DNAJC15: variants seen among roughly 807,000 people sequenced by gnomAD.
DNAJC15 encodes the protein DnaJ heat shock protein family (Hsp40) member C15.
DNAJC15 carries 27 observed loss-of-function variants against 22.4 expected under a neutral mutation model. The ratio of observed to expected loss-of-function variants is 1.20; its 90% CI spans 0.89 to 1.66. DNAJC15 has a LOEUF of 1.66. Among genes scored for constraint, DNAJC15 ranks in the 40% most tolerant of loss-of-function variants. DNAJC15 has a pLI of 0.00. For synonymous variants in DNAJC15, 79 were observed against 63.2 expected (o/e 1.25, Z -1.19); for missense variants, 208 against 187.1 (o/e 1.11, Z -0.65).
At position 43,107,196 on chromosome 13, in the gene DNAJC15, C is replaced by G. The variant is rs2040801014; in HGVS notation, c.401C>G (p.Ala134Gly). The G allele has an allele frequency of 6.3e-7, 1 of 1,587,334 alleles. No homozygotes were observed. The highest frequency in any genetic ancestry group is 8.6e-7 in the Non-Finnish European group (1 of 1,169,124). ...CTCTCAGGTGGATCTCCTTACGTAGCAGCCAAAATAAATGAAGCAAAAGAC... is the reference window on the plus strand; with the variant it reads ...CTCTCAGGTGGATCTCCTTACGTAGGAGCCAAAATAAATGAAGCAAAAGAC... ...HPDKGGSPYV[A>G]AKINEAKDLL... The change falls in exon 6 of 6, where the codon GCA (alanine) becomes GGA (glycine). Residue 134 changes from alanine (A) to glycine (G), a missense_variant. Transcript: ENST00000379221.
chr13:43,040,388 T>C (rs947645670), intron 1 of DNAJC15, among the ~76,000 whole-genome samples: 6 of 152,230 alleles, frequency 3.9e-5, no homozygotes, highest in African/African-American at 1.4e-4. Flanking sequence ...CTTACCTGTT[T>C]ATCTGTGGGG....
chr13:43,041,381 A>G (rs991302088), intron 1 of DNAJC15, among the ~76,000 whole-genome samples: 5 of 152,216 alleles, frequency 3.3e-5, no homozygotes, highest in African/African-American at 7.2e-5. Flanking sequence ...GGTTGGGGGT[A>G]AGGTTACAGA....
rs2040392105 is a variant in DNAJC15 at position 43,028,826 on chromosome 13, C to T, written c.108+5092C>T. ...CTTCCCTGACCCCAGTTCCCTTTGC[C>T]TAGTAGGAGAAAATTGTTTTATACT... On this transcript the variant is annotated intron_variant, in intron 1 of 5. Coordinates refer to ENST00000379221, the MANE Select transcript of DNAJC15 (RefSeq NM_013238.3). Among the ~76,000 whole-genome samples the T allele has an allele frequency of 2.6e-5, 4 of 152,070 alleles. No individual in the cohort carries two copies. The South Asian group carries it at 8.3e-4, about 32-fold the overall frequency.
intron 3 of DNAJC15, among the ~76,000 whole-genome samples, chr13:43,073,715 T>C (rs1452595578): frequency 6.6e-6 from 1 of 152,192 alleles, no homozygotes; most frequent in Non-Finnish European, 1.5e-5. Context: ...TCTGGTTTGC[T>C]ATTTATCCCA....
intron 5 of DNAJC15, among the ~76,000 whole-genome samples, chr13:43,096,748 G>C (rs1330436821): frequency 6.6e-6 from 1 of 152,170 alleles, no homozygotes; most frequent in Non-Finnish European, 1.5e-5. Context: ...TTTGTATTCA[G>C]GTTGGCCTTT....
chr13:43,106,100 G>T (rs2040795683), intron 5 of DNAJC15, among the ~76,000 whole-genome samples: 3 of 152,052 alleles, frequency 2.0e-5, no homozygotes, highest in Non-Finnish European at 2.9e-5. Flanking sequence ...TCATAAGCTG[G>T]GTGGTATGGT....
At chr13:43,060,021 C>G (rs2040551007) in intron 1 of DNAJC15, among the ~76,000 whole-genome samples, 1 of 152,186 alleles carries the variant, frequency 6.6e-6, no homozygotes, top group African/African-American at 2.4e-5. Flanking sequence ...TGAGGATCTT[C>G]AGTTGCTTCG....
chr13:43,051,369 G>T (rs890998803), intron 1 of DNAJC15, among the ~76,000 whole-genome samples: 2 of 151,996 alleles, frequency 1.3e-5, no homozygotes, highest in African/African-American at 4.8e-5. Flanking sequence ...AGATTTTAGT[G>T]TACTCATCAC....
At chr13:43,081,628 C>T (rs1488217179) in intron 4 of DNAJC15, among the ~76,000 whole-genome samples, 2 of 151,744 alleles carry the variant, frequency 1.3e-5, no homozygotes, top group African/African-American at 2.4e-5. Flanking sequence ...TTAGTAGAGA[C>T]GGGGTTTCAC....
chr13:43,102,046 C>A (rs1488723843), intron 5 of DNAJC15, among the ~76,000 whole-genome samples: 1 of 152,166 alleles, frequency 6.6e-6, no homozygotes, highest in African/African-American at 2.4e-5. Flanking sequence ...CTCACACCAG[C>A]AGTGTATCAG....
At chr13:43,070,147 G>C (rs17064130) in intron 3 of DNAJC15, among the ~76,000 whole-genome samples, 2,601 of 152,202 alleles carry the variant, frequency 0.017, 91 homozygotes, top group East Asian at 0.11. Context: ...TTACAGGCTT[G>C]TGAGGCTTAG....
At chr13:43,070,517 CAAA>C (rs1239844723) in intron 3 of DNAJC15, among the ~76,000 whole-genome samples, 35 of 151,326 alleles carry the variant, frequency 2.3e-4, no homozygotes, top group African/African-American at 8.0e-4. Flanking sequence ...TTGAGAAAAC[CAAA>C]TCAGGGTAAG....
intron 3 of DNAJC15, among the ~76,000 whole-genome samples, chr13:43,070,730 A>G (rs2040604664): frequency 6.6e-6 from 1 of 152,210 alleles, no homozygotes; most frequent in Admixed American, 6.5e-5. Flanking sequence ...GAATAGTGGT[A>G]GCTTGGGCCC....
chr13:43,037,039 C>T (rs549284809), intron 1 of DNAJC15, among the ~76,000 whole-genome samples: 1 of 152,266 alleles, frequency 6.6e-6, no homozygotes, highest in Admixed American at 6.5e-5. Context: ...CCCTGCCAAG[C>T]TGATAGGTGG....
intron 3 of DNAJC15, among the ~76,000 whole-genome samples, chr13:43,070,457 A>G (rs1030882598): frequency 6.6e-6 from 1 of 151,858 alleles, no homozygotes; most frequent in Non-Finnish European, 1.5e-5. Flanking sequence ...CACAGTGTAA[A>G]AAAAAAAAAA....
At chr13:43,091,703 T>C (rs1344528040) in intron 5 of DNAJC15, among the ~76,000 whole-genome samples, 1 of 151,936 alleles carries the variant, frequency 6.6e-6, no homozygotes, top group African/African-American at 2.4e-5. Flanking sequence ...CTTTTTCTAA[T>C]TTTTTGAAAT....
intron 1 of DNAJC15, among the ~76,000 whole-genome samples, chr13:43,035,237 G>T (rs2040424007): frequency 6.6e-6 from 1 of 152,140 alleles, no homozygotes; most frequent in East Asian, 1.9e-4. Context: ...GGGTGCTAGG[G>T]ATTGTGAAAG....
chr13:43,096,906 G>A lies in DNAJC15; in HGVS notation c.383-10272G>A, dbSNP rs188335271. 3.9e-5 allele frequency among the ~76,000 whole-genome samples: 6 copies of A among 152,338 alleles called. No homozygotes were observed. The East Asian group carries it at 9.7e-4, about 25-fold the overall frequency. On this transcript the variant is annotated intron_variant, in intron 5 of 5. Coordinates refer to ENST00000379221, the MANE Select transcript of DNAJC15 (RefSeq NM_013238.3). ...AGACTAAGCTCTCCTCCTGACGGAA[G>A]AAACACCAAGTAGAGAGAGGCCTAG...
At chr13:43,093,808 AAT>A (rs1426880390) in intron 5 of DNAJC15, among the ~76,000 whole-genome samples, 5 of 152,284 alleles carry the variant, frequency 3.3e-5, no homozygotes, top group African/African-American at 7.2e-5. Flanking sequence ...TCTTTATAAA[AAT>A]ATATCTTTTC....
Sources: gnomAD v4.1 joint callset for allele counts (sites outside exome capture counted in the v4.1 genomes callset) on GRCh38, gnomAD v4.1.1 for gene constraint, MANE v1.5 for transcripts, NCBI Gene and HGNC (gene_info 2026-07-23, HGNC 2026-07-21) for gene names.